Variants in CSMD2 observed in about 807,000 individuals in gnomAD.
CSMD2 encodes CUB and Sushi multiple domains 2.
In CSMD2, 130 loss-of-function variants were observed where a neutral mutation model predicts 398.5. The observed-to-expected ratio is 0.33, with a 90% confidence interval of 0.28 to 0.38. The LOEUF (loss-of-function observed/expected upper bound fraction) is 0.38, where lower values mean the gene tolerates loss of function less well. Among genes scored for constraint, CSMD2 ranks in the 10% least tolerant of loss-of-function variants. The probability of loss-of-function intolerance (pLI) is 1.00; values close to 1 mark genes in which losing one functional copy is unlikely to be tolerated. For synonymous variants in CSMD2, 1,828 were observed against 1,908.5 expected, an observed-to-expected ratio of 0.96 and a Z score of 1.10; for missense variants, 3,829 against 4,764.9, an observed-to-expected ratio of 0.80 and a Z score of 5.78.
At chr1:33,910,876 G>GCCAGCACA (rs908708182) in intron 5 of CSMD2, among the ~76,000 whole-genome samples, 27 of 152,338 alleles carry the variant, frequency 1.8e-4, no homozygotes, top group African/African-American at 6.5e-4. Flanking sequence ...AGTTAAAGAG[G>GCCAGCACA]CCAGCACATT....
chr1:33,673,237 T>C (rs1295383311), intron 25 of CSMD2, among the ~76,000 whole-genome samples: 4 of 152,206 alleles, frequency 2.6e-5, no homozygotes, highest in Non-Finnish European at 5.9e-5. Context: ...AATGGCTAAC[T>C]AGAATAACCA....
chr1:33,650,174 G>A (rs943177607), intron 28 of CSMD2, among the ~76,000 whole-genome samples: 3 of 152,134 alleles, frequency 2.0e-5, no homozygotes, highest in Admixed American at 6.5e-5. Flanking sequence ...GAGCACCCTC[G>A]ATATTCCAGG....
rs1452377772 is a variant in CSMD2, at chr1:33,716,518, G to A, written c.3002-17C>T. On this transcript the variant is annotated splice_polypyrimidine_tract_variant and intron_variant, in intron 19 of 70. Coordinates refer to ENST00000373381, the MANE Select transcript of CSMD2 (RefSeq NM_001281956.2). The stretch of plus-strand genomic sequence containing the variant: ...AGAACACACCTGCCAAGAGACCAGA[G>A]GGTCAGGTTGTTGATGGCGAGATGG... 1 of 1,598,460 alleles carries A rather than the reference G, an allele frequency of 6.3e-7. No individual in the cohort carries two copies. Among genetic ancestry groups the A allele is most frequent in the Non-Finnish European group, 8.6e-7 (1 of 1,169,416 alleles).
chr1:34,065,010 A>C (rs1654952614), intron 2 of CSMD2, among the ~76,000 whole-genome samples: 1 of 152,164 alleles, frequency 6.6e-6, no homozygotes, highest in Non-Finnish European at 1.5e-5. Flanking sequence ...GATTCAAATT[A>C]CCTCCCACCA....
intron 1 of CSMD2, among the ~76,000 whole-genome samples, chr1:34,122,405 C>T (rs1236944882): frequency 6.6e-6 from 1 of 152,088 alleles, no homozygotes; most frequent in African/African-American, 2.4e-5. Context: ...GGATGGGCTG[C>T]GTCCAAGAGT....
At chr1:33,698,263 G>T (rs996457431) in intron 24 of CSMD2, among the ~76,000 whole-genome samples, 1 of 152,212 alleles carries the variant, frequency 6.6e-6, no homozygotes, top group Non-Finnish European at 1.5e-5. Flanking sequence ...ATCAGTGAGA[G>T]CAATGGGTGT....
intron 3 of CSMD2, among the ~76,000 whole-genome samples, chr1:34,022,210 ACAC>A (rs1446819822): frequency 6.6e-6 from 1 of 152,210 alleles, no homozygotes; most frequent in Non-Finnish European, 1.5e-5. Flanking sequence ...CTAATAGCTT[ACAC>A]ATCCACTTAG....
rs114123859 is a variant in CSMD2, at chr1:33,645,156, A to C, written c.4774+1492T>G. ...ATATTTAATTAGGGGACACTTTAAA[A>C]GGTATCTGAGGTCTTATGTTATGCA... On this transcript the variant is annotated intron_variant, in intron 29 of 70. Transcript: ENST00000373381. Among the ~76,000 whole-genome samples the C allele has an allele frequency of 6.5e-3, 984 of 152,216 alleles. 12 individuals are homozygous for C. The highest frequency in any genetic ancestry group is 0.023 in the African/African-American group (943 of 41,512).
chr1:33,880,756 C>CAAAT (rs1641180662), intron 5 of CSMD2, among the ~76,000 whole-genome samples: 1 of 152,196 alleles, frequency 6.6e-6, no homozygotes, highest in Non-Finnish European at 1.5e-5. Flanking sequence ...TTCTTATACT[C>CAAAT]AAAGAAAGTA....
Position 33,819,849 on chromosome 1 carries a change from A to C in CSMD2, c.1200-12T>G. On this transcript the variant is annotated splice_polypyrimidine_tract_variant and intron_variant, in intron 8 of 70. Transcript: ENST00000373381. Reference sequence around the variant, plus strand: ...CGCTGGATCCTAACCTGGGAGACAAAGTGTGTCTGTGAGCTCCATCCCTGG... The same window carrying C: ...CGCTGGATCCTAACCTGGGAGACAACGTGTGTCTGTGAGCTCCATCCCTGG... The C allele has an allele frequency of 1.2e-6, 2 of 1,613,806 alleles. No individual in the cohort carries two copies. The highest frequency in any genetic ancestry group is 1.7e-6 in the Non-Finnish European group (2 of 1,179,850).
At chr1:33,738,340 A>G (rs1222223356) in intron 15 of CSMD2, among the ~76,000 whole-genome samples, 3 of 151,974 alleles carry the variant, frequency 2.0e-5, no homozygotes, top group Non-Finnish European at 4.4e-5. Flanking sequence ...ATTATTCACA[A>G]ATATTTATTA....
Position 33,772,562 on chromosome 1 carries a change from C to A in CSMD2, c.1846+7G>T. The A allele has an allele frequency of 6.2e-7, 1 of 1,610,172 alleles. No individual in the cohort carries two copies. The highest frequency in any genetic ancestry group is 1.1e-5 in the South Asian group (1 of 90,828). ...ACCCTGGCGTGGCCTCCTCCCTGCT[C>A]ACTTACACACGCAGCCTGGCTTCTT... On this transcript the variant is annotated splice_region_variant and intron_variant, in intron 13 of 70. Transcript: ENST00000373381.
At chr1:33,581,352 AC>A (rs1638686642) in intron 47 of CSMD2, among the ~76,000 whole-genome samples, 1 of 81,126 alleles carries the variant, frequency 1.2e-5, no homozygotes, top group African/African-American at 6.4e-5. Context: ...CCCCATCTTT[AC>A]TAAAAAAAAA....
intron 19 of CSMD2, among the ~76,000 whole-genome samples, chr1:33,719,275 G>A (rs1646276908): frequency 6.6e-6 from 1 of 152,226 alleles, no homozygotes; most frequent in Admixed American, 6.5e-5. Context: ...AGGACATGGA[G>A]TTGGGTGGAG....
chr1:33,915,042 T>C lies in CSMD2; in HGVS notation c.920+3052A>G, dbSNP rs186615472. Among the ~76,000 whole-genome samples, 6 of 152,248 alleles carry C rather than the reference T, an allele frequency of 3.9e-5. No homozygotes were observed. The East Asian group carries it at 9.7e-4, about 25-fold the overall frequency. On this transcript the variant is annotated intron_variant, in intron 5 of 70. Coordinates refer to ENST00000373381, the MANE Select transcript of CSMD2 (RefSeq NM_001281956.2). ...GAGTGTGGAAACTGAGTCAGGGACA[T>C]TGCATGCCACTCTCCCTTCTGAATC...
intron 20 of CSMD2, 119 bp from the exon 21 acceptor site, chr1:33,714,894 A>G: frequency 2.1e-6 from 2 of 968,310 alleles, no homozygotes; most frequent in Non-Finnish European, 3.1e-6. Flanking sequence ...AAAGACAGAG[A>G]AGAGGGCATG....
chr1:34,092,393 CG>C (rs950571802), intron 1 of CSMD2, among the ~76,000 whole-genome samples: 1 of 152,038 alleles, frequency 6.6e-6, no homozygotes, highest in African/African-American at 2.4e-5. Flanking sequence ...AATAGATTGT[CG>C]GGGGGAGGAG....
intron 3 of CSMD2, among the ~76,000 whole-genome samples, chr1:33,973,784 C>A (rs560371488): frequency 7.9e-5 from 12 of 152,274 alleles, no homozygotes; most frequent in African/African-American, 2.6e-4. Flanking sequence ...TAGGCAGATG[C>A]ACTGAGGAGA....
chr1:33,631,795 C>T (rs1642483247), intron 32 of CSMD2, among the ~76,000 whole-genome samples: 2 of 152,012 alleles, frequency 1.3e-5, no homozygotes, highest in Admixed American at 1.3e-4. Flanking sequence ...TTTATTAAAT[C>T]CCAGTCAAGA....
Sources: gnomAD v4.1 joint callset for allele counts (sites outside exome capture counted in the v4.1 genomes callset) on GRCh38, gnomAD v4.1.1 for gene constraint, MANE v1.5 for transcripts, NCBI Gene and HGNC (gene_info 2026-07-23, HGNC 2026-07-21) for gene names.